The following NOXRED1 variants were observed in gnomAD, a reference collection of about 807,000 sequenced individuals.
NOXRED1 encodes NADP dependent oxidoreductase domain containing 1, also known as NADP-dependent oxidoreductase domain-containing protein 1.
A neutral mutation model predicts 30.4 loss-of-function variants in NOXRED1; 20 were observed. The observed-to-expected ratio is 0.66, with a 90% CI of 0.46 to 0.96. The LOEUF is 0.96. NOXRED1 is among the 40% of genes least tolerant of loss of function. The pLI is 0.00. For synonymous variants in NOXRED1, 155 were observed against 168.0 expected (o/e 0.92, Z 0.60); for missense variants, 374 against 428.0 (o/e 0.87, Z 1.11).
At chr14:77,424,097 G>T (rs1895068303), upstream of NOXRED1, among the ~76,000 whole-genome samples, 1 of 152,166 alleles carries the variant, frequency 6.6e-6, no homozygotes, top group South Asian at 2.1e-4. Context: ...GACCTTTTGT[G>T]TCTGGCTTCT....
intron 2 of NOXRED1, among the ~76,000 whole-genome samples, chr14:77,413,133 C>T (rs1894706792): frequency 1.3e-5 from 2 of 152,078 alleles, no homozygotes; most frequent in Non-Finnish European, 1.5e-5. Flanking sequence ...AGATATAAAA[C>T]ATTTTCATCT....
Position 77,417,219 on chromosome 14 carries a change from T to C in NOXRED1, c.156-3092A>G, listed in dbSNP as rs79401478. On this transcript the variant is annotated intron_variant, in intron 1 of 5. Transcript: ENST00000380835. The stretch of plus-strand genomic sequence containing the variant: ...GGACTTATTTTGTGACCTAACGTGA[T>C]CTATCCTGGAAAATGTTCCATGTGC... Among the ~76,000 whole-genome samples the C allele has an allele frequency of 2.2e-3, 332 of 152,214 alleles. 1 individual carries two copies. The highest frequency in any genetic ancestry group is 7.5e-3 in the African/African-American group (312 of 41,548).
upstream of NOXRED1, among the ~76,000 whole-genome samples, chr14:77,425,159 C>T (rs996069775): frequency 2.6e-5 from 4 of 152,206 alleles, no homozygotes; most frequent in Admixed American, 6.5e-5. Context: ...TCCCTGCTCA[C>T]TCACTTTATA....
chr14:77,415,631 T>TAGACAGAC (rs543991068), intron 1 of NOXRED1, among the ~76,000 whole-genome samples: 12,637 of 141,186 alleles, frequency 0.09, 823 homozygotes, highest in East Asian at 0.31. Context: ...GATAGATAGA[T>TAGACAGAC]AGACAGACAG....
chr14:77,414,086 A>G lies in NOXRED1; in HGVS notation c.197T>C (p.Ile66Thr), dbSNP rs369533855. 6.8e-5 allele frequency: 109 copies of G among 1,605,662 alleles called. No individual in the cohort carries two copies. The highest frequency in any genetic ancestry group is 8.9e-5 in the Non-Finnish European group (104 of 1,174,118). ...AGGAGTGGCTGAATTAAGGGAGCCA[A>G]TTGAGAGATGTCTGGAACTTTGATT... is the stretch of plus-strand genomic sequence containing the variant. Reference protein sequence around the residue: ...NKNQSSRHLSIGSLNSATPEE... With the variant: ...NKNQSSRHLSTGSLNSATPEE... The change falls in exon 2 of 6, where the codon ATT becomes ACT. Residue 66 changes from isoleucine (I) to threonine (T), a missense_variant. Ile to Thr is a moderately conservative substitution (Grantham distance 89, BLOSUM62 -1). Transcript: ENST00000380835.
intron 2 of NOXRED1, among the ~76,000 whole-genome samples, chr14:77,411,980 A>G (rs1894668166): frequency 6.6e-6 from 1 of 151,950 alleles, no homozygotes; most frequent in Non-Finnish European, 1.5e-5. Context: ...CTGTAATTCC[A>G]GCTACTCAGG....
At chr14:77,399,290 C>A (rs1351122238) in intron 5 of NOXRED1, among the ~76,000 whole-genome samples, 2 of 151,766 alleles carry the variant, frequency 1.3e-5, no homozygotes, top group Non-Finnish European at 2.9e-5. Flanking sequence ...CCAGTCTCTA[C>A]AAATAATAAA....
upstream of NOXRED1, among the ~76,000 whole-genome samples, chr14:77,423,714 A>G (rs765291271): frequency 8.5e-5 from 13 of 152,140 alleles, no homozygotes; most frequent in African/African-American, 2.7e-4. Flanking sequence ...CCTTTTCCCA[A>G]CAGAAGATTC....
At chr14:77,405,833 G>T in intron 5 of NOXRED1, 80 bp downstream of exon 5, 1 of 839,260 alleles carries the variant, frequency 1.2e-6, no homozygotes. Context: ...AAGAGAACAT[G>T]AAAGGATAAA....
At chr14:77,417,710 TTTTG>T (rs140549926) in intron 1 of NOXRED1, among the ~76,000 whole-genome samples, 17,461 of 152,144 alleles carry the variant, frequency 0.11, 1,031 homozygotes, top group Non-Finnish European at 0.12. Flanking sequence ...TGGATCTTGT[TTTTG>T]TTTTTGTTTT....
intron 1 of NOXRED1, among the ~76,000 whole-genome samples, chr14:77,418,677 G>A (rs974396018): frequency 6.6e-6 from 1 of 151,580 alleles, no homozygotes; most frequent in African/African-American, 2.4e-5. Context: ...CCACAGGTGT[G>A]TACCACTATG....
At chr14:77,399,184 A>G (rs1420547786) in intron 5 of NOXRED1, among the ~76,000 whole-genome samples, 1 of 152,056 alleles carries the variant, frequency 6.6e-6, no homozygotes, top group Admixed American at 6.6e-5. Context: ...GACTGAGGCC[A>G]GGTGAGGTGA....
chr14:77,416,681 C>T (rs1029990305), intron 1 of NOXRED1, among the ~76,000 whole-genome samples: 4 of 152,350 alleles, frequency 2.6e-5, no homozygotes, highest in Admixed American at 6.5e-5. Context: ...ACAAAACCGC[C>T]ATTGTCATCA....
intron 2 of NOXRED1, among the ~76,000 whole-genome samples, chr14:77,412,073 A>T (rs1894673267): frequency 6.9e-6 from 1 of 145,820 alleles, no homozygotes; most frequent in African/African-American, 2.6e-5. Flanking sequence ...TCTGCACTCC[A>T]GCCTAGGTGA....
chr14:77,404,742 C>G (rs937972753), intron 5 of NOXRED1, among the ~76,000 whole-genome samples: 1 of 151,664 alleles, frequency 6.6e-6, no homozygotes, highest in Non-Finnish European at 1.5e-5. Flanking sequence ...ATGAGGAGAA[C>G]GGGAGGGATC....
chr14:77,394,480 G>A lies in NOXRED1; in HGVS notation c.*151C>T, dbSNP rs1336899781. The A allele has an allele frequency of 6.1e-6, 3 of 494,482 alleles. No individual in the cohort carries two copies. The highest frequency in any genetic ancestry group is 1.1e-5 in the Non-Finnish European group (3 of 281,844). The allele number at this position is 494,482 out of a possible 1,614,324, so 30.6% of individuals were successfully genotyped here. On this transcript the variant is annotated 3_prime_UTR_variant, in exon 6 of 6. Coordinates refer to ENST00000380835, the MANE Select transcript of NOXRED1 (RefSeq NM_001113475.3). ...CACTTGTTTTATTCTACATTTTAAA[G>A]AGTCATCAGTACAGTTTTATAATTC...
chr14:77,396,284 T>C (rs1302426609), intron 5 of NOXRED1, among the ~76,000 whole-genome samples: 1 of 147,490 alleles, frequency 6.8e-6, no homozygotes, highest in Admixed American at 6.8e-5. Context: ...AGTTTCGCTC[T>C]TGTTGCCCAG....
At chr14:77,411,752 A>G (rs35311406) in intron 2 of NOXRED1, among the ~76,000 whole-genome samples, 25,106 of 152,110 alleles carry the variant, frequency 0.17, 2,472 homozygotes, top group Middle Eastern at 0.28. Flanking sequence ...ACGTGTCAAA[A>G]CATCAAATTG....
chr14:77,416,232 G>C (rs1894817044), intron 1 of NOXRED1, among the ~76,000 whole-genome samples: 1 of 152,192 alleles, frequency 6.6e-6, no homozygotes, highest in African/African-American at 2.4e-5. Context: ...ATTTTGATAA[G>C]GATTGCAGTG....
Sources: allele counts gnomAD v4.1 joint callset (sites outside exome capture counted in the v4.1 genomes callset), GRCh38; gene constraint gnomAD v4.1.1; transcripts MANE v1.5; gene names NCBI Gene and HGNC (gene_info 2026-07-23, HGNC 2026-07-21).